KIR2DL3: variants seen among roughly 807,000 people sequenced by gnomAD.
The protein encoded by KIR2DL3 is killer cell immunoglobulin like receptor, two Ig domains and long cytoplasmic tail 3, also known as killer cell immunoglobulin-like receptor 2DL3.
A neutral mutation model predicts 33.8 loss-of-function variants in KIR2DL3; 39 were observed. That is an observed-to-expected ratio of 1.15 (90% CI 0.89 to 1.51). The LOEUF (loss-of-function observed/expected upper bound fraction) is 1.51. KIR2DL3 is among the 40% of genes most tolerant of loss of function. KIR2DL3 has a pLI of 0.00. For synonymous variants in KIR2DL3, 174 were observed against 160.2 expected (o/e 1.09, Z -0.65); for missense variants, 462 against 426.2 (o/e 1.08, Z -0.74).
At position 54,738,544 on chromosome 19, in the gene KIR2DL3, C is replaced by G. The variant is rs761771065; in HGVS notation, c.-2C>G. On this transcript the variant is annotated 5_prime_UTR_variant, in exon 1 of 8. Transcript: ENST00000342376. ...CGGCCGCCTGTCTGCACAGACAGCA[C>G]CATGTCGCTCATGGTCGTCAGCATG... 2 of 1,614,178 alleles carry G rather than the reference C, an allele frequency of 1.2e-6. No homozygotes were observed. The highest frequency in any genetic ancestry group is 2.2e-5 in the South Asian group (2 of 91,086).
chr19:54,743,978 T>G lies in KIR2DL3; in HGVS notation c.554T>G (p.Phe185Cys). The change falls in exon 4 of 8, where the codon TTT becomes TGT. Residue 185 changes from phenylalanine to cysteine, a missense_variant. Physicochemically the swap from Phe to Cys is radical, Grantham distance 205 (BLOSUM62 -2). Coordinates refer to ENST00000342376, the MANE Select transcript of KIR2DL3 (RefSeq NM_015868.3). ...PKVNGTFQAD[F>C]PLGPATHGGT... The stretch of plus-strand genomic sequence containing the variant: ...GTCAACGGAACATTCCAGGCCGACT[T>G]TCCTCTGGGCCCTGCCACCCACGGA... The G allele has an allele frequency of 6.2e-7, 1 of 1,614,228 alleles. No homozygotes were observed. The highest frequency in any genetic ancestry group is 8.5e-7 in the Non-Finnish European group (1 of 1,180,044).
chr19:54,739,605 G>A, intron 2 of KIR2DL3, 63 bp downstream of exon 2: 2 of 1,613,384 alleles, frequency 1.2e-6, no homozygotes, highest in African/African-American at 1.3e-5. Flanking sequence ...CCTGAAACAG[G>A]AGGGAAGTCC....
At chr19:54,747,586 G>C (rs2072750035) in intron 5 of KIR2DL3, among the ~76,000 whole-genome samples, 1 of 152,100 alleles carries the variant, frequency 6.6e-6, no homozygotes, top group South Asian at 2.1e-4. Context: ...TCATTTTATG[G>C]AGCTGAGACC....
intron 2 of KIR2DL3, among the ~76,000 whole-genome samples, chr19:54,741,053 G>A (rs535387319): frequency 4.0e-5 from 6 of 151,762 alleles, no homozygotes; most frequent in African/African-American, 1.5e-4. Flanking sequence ...GAAAAATAGG[G>A]TCCAATTTCT....
At chr19:54,744,771 C>G (rs568991578) in intron 4 of KIR2DL3, among the ~76,000 whole-genome samples, 2 of 150,026 alleles carry the variant, frequency 1.3e-5, no homozygotes, top group African/African-American at 2.5e-5. Flanking sequence ...GTGATCCACC[C>G]GCATCTGCCT....
At chr19:54,744,169 G>A (rs1429251766) in intron 4 of KIR2DL3, 81 bp downstream of exon 4, 31 of 1,582,042 alleles carry the variant, frequency 2.0e-5, no homozygotes, top group African/African-American at 5.5e-5. Flanking sequence ...ATGGAGAGAA[G>A]CATGGACAGA....
intron 4 of KIR2DL3, among the ~76,000 whole-genome samples, chr19:54,744,954 ATTTTTTTTTTTTTT>A (rs71195797): frequency 3.2e-5 from 1 of 31,270 alleles, no homozygotes; most frequent in African/African-American, 1.1e-4. Flanking sequence ...ATATATATAT[ATTTTTTTTTTTTTT>A]TTTTTTTTTA....
intron 3 of KIR2DL3, 68 bp downstream of exon 3, chr19:54,742,347 C>T: frequency 6.4e-7 from 1 of 1,564,112 alleles, no homozygotes. Context: ...TTGGAACCCC[C>T]AGGTAGTTGT....
intron 3 of KIR2DL3, 111 bp downstream of exon 3, chr19:54,742,390 A>G (rs1236796207): frequency 1.0e-5 from 15 of 1,470,912 alleles, no homozygotes; most frequent in Non-Finnish European, 9.4e-7. Context: ...TTATGGAGAG[A>G]GACTGACTTG....
intron 4 of KIR2DL3, among the ~76,000 whole-genome samples, chr19:54,745,526 C>A (rs2072333084): frequency 1.3e-5 from 2 of 151,634 alleles, no homozygotes; most frequent in Admixed American, 6.6e-5. Flanking sequence ...CCATGCCTGG[C>A]TACTTTTTGT....
At chr19:54,746,715 G>A (rs1555910366) in intron 4 of KIR2DL3, among the ~76,000 whole-genome samples, 27,206 of 128,866 alleles carry the variant, frequency 0.21, 1,406 homozygotes, top group African/African-American at 0.24. Context: ...GGGCATGGTG[G>A]CTGACACCTG....
At chr19:54,746,628 T>C (rs1353792742) in intron 4 of KIR2DL3, among the ~76,000 whole-genome samples, 3 of 148,864 alleles carry the variant, frequency 2.0e-5, no homozygotes, top group Non-Finnish European at 4.5e-5. Context: ...CAGGTTTCCC[T>C]GCACTGTTTA....
chr19:54,748,390 C>T (rs2072895172), intron 5 of KIR2DL3, among the ~76,000 whole-genome samples: 2 of 143,978 alleles, frequency 1.4e-5, no homozygotes, highest in African/African-American at 5.1e-5. Context: ...TTCATTCCTC[C>T]TTTCCATGTA....
intron 4 of KIR2DL3, among the ~76,000 whole-genome samples, chr19:54,745,875 C>T (rs548160752): frequency 6.9e-5 from 10 of 144,436 alleles, no homozygotes; most frequent in African/African-American, 2.3e-4. Flanking sequence ...TGCAGTGGTG[C>T]GATCTCGGCT....
intron 3 of KIR2DL3, among the ~76,000 whole-genome samples, chr19:54,743,318 A>G (rs1332289159): frequency 6.6e-6 from 1 of 152,150 alleles, no homozygotes; most frequent in Non-Finnish European, 1.5e-5. Context: ...AGAGAGAGAG[A>G]TGATACATAC....
chr19:54,745,690 A>G (rs1343487921), intron 4 of KIR2DL3, among the ~76,000 whole-genome samples: 12 of 151,590 alleles, frequency 7.9e-5, no homozygotes, highest in African/African-American at 2.7e-4. Context: ...AAGGACTTCC[A>G]CACTTTTCTC....
chr19:54,741,689 C>T (rs1173085826), intron 2 of KIR2DL3, among the ~76,000 whole-genome samples: 6 of 151,672 alleles, frequency 4.0e-5, no homozygotes, highest in Non-Finnish European at 7.4e-5. Flanking sequence ...CTTTCACCCC[C>T]ACATAAACAG....
intron 5 of KIR2DL3, among the ~76,000 whole-genome samples, chr19:54,749,224 T>C (rs1326424487): frequency 2.3e-3 from 347 of 149,268 alleles, no homozygotes; most frequent in African/African-American, 8.3e-3. Flanking sequence ...CAACAAGGAG[T>C]GTGTGTTTGA....
At chr19:54,740,754 CTA>C (rs2070902888) in intron 2 of KIR2DL3, among the ~76,000 whole-genome samples, 2 of 151,814 alleles carry the variant, frequency 1.3e-5, no homozygotes, top group Non-Finnish European at 2.9e-5. Context: ...GAGTCTGTGA[CTA>C]TTTATGTTAT....
Sources: allele counts gnomAD v4.1 joint callset (sites outside exome capture counted in the v4.1 genomes callset), GRCh38; gene constraint gnomAD v4.1.1; transcripts MANE v1.5; gene names NCBI Gene and HGNC (gene_info 2026-07-23, HGNC 2026-07-21).